The following TLL1 variants were observed in gnomAD, a reference collection of about 807,000 sequenced individuals.
TLL1 encodes tolloid-like protein 1.
A neutral mutation model predicts 128.2 loss-of-function variants in TLL1; 49 were observed. The observed-to-expected ratio is 0.38, with a 90% CI of 0.30 to 0.48. TLL1 has a LOEUF of 0.48. Among genes scored for constraint, TLL1 ranks in the 20% least tolerant of loss-of-function variants. The pLI is 0.96. For synonymous variants in TLL1, 454 were observed against 418.8 expected (o/e 1.08, Z -1.03); for missense variants, 1,123 against 1,242.0 (o/e 0.90, Z 1.44).
Position 166,077,947 on chromosome 4 carries a change from A to C in TLL1, c.2359A>C (p.Ser787Arg), listed in dbSNP as rs369207097. The change falls in exon 18 of 21, where the codon AGT becomes CGT. Residue 787 changes from serine (S) to arginine (R), a missense_variant. Around this residue, in one of 3 missense-constraint regions of TLL1, gnomAD observed 634 missense variants for 672.4 expected, o/e 0.94. Coordinates refer to ENST00000061240, the MANE Select transcript of TLL1 (RefSeq NM_012464.5). ...CCACAGTCCAAGTGGCCTCATCACCAGTCCCAACTGGCCAGACAAGTACCC... is the reference window on the plus strand; with the variant it reads ...CCACAGTCCAAGTGGCCTCATCACCCGTCCCAACTGGCCAGACAAGTACCC... ...KIHSPSGLIT[S>R]PNWPDKYPSR... 1 of 1,613,692 alleles carries C rather than the reference A, an allele frequency of 6.2e-7. No individual in the cohort carries two copies. Among genetic ancestry groups the C allele is most frequent in the Non-Finnish European group, 8.5e-7 (1 of 1,179,770 alleles).
At chr4:165,972,098 A>C (rs1043269955) in intron 1 of TLL1, among the ~76,000 whole-genome samples, 1 of 151,988 alleles carries the variant, frequency 6.6e-6, no homozygotes, top group Non-Finnish European at 1.5e-5. Flanking sequence ...TTGCTTGAGC[A>C]ATCTGGAAGT....
intron 8 of TLL1, among the ~76,000 whole-genome samples, chr4:166,014,885 TAA>T (rs1737865475): frequency 6.6e-6 from 1 of 152,044 alleles, no homozygotes; most frequent in Non-Finnish European, 1.5e-5. Context: ...AGTCAAATGC[TAA>T]GTTTCCTTTC....
At chr4:166,066,966 C>G (rs1240357039) in intron 16 of TLL1, among the ~76,000 whole-genome samples, 2 of 151,070 alleles carry the variant, frequency 1.3e-5, no homozygotes, top group Non-Finnish European at 3.0e-5. Context: ...TTAAATGATC[C>G]CATGGTTAGG....
At chr4:165,904,043 A>G (rs1051328238) in intron 1 of TLL1, among the ~76,000 whole-genome samples, 1 of 152,078 alleles carries the variant, frequency 6.6e-6, no homozygotes. Context: ...AGAATTTTGC[A>G]TATATCTTTT....
chr4:166,081,450 A>G lies in TLL1; in HGVS notation c.2442+3420A>G, dbSNP rs970650905. 3.9e-5 allele frequency among the ~76,000 whole-genome samples: 6 copies of G among 152,094 alleles called. No homozygotes were observed. In the South Asian group the frequency reaches 6.2e-4, roughly 16 times the overall value. On this transcript the variant is annotated intron_variant, in intron 18 of 20. Coordinates refer to ENST00000061240, the MANE Select transcript of TLL1 (RefSeq NM_012464.5). ...CATGCACCTCCTGCTTTTTCCACAA[A>G]TGTTCTTGTGAGCAGGAGATGGAGG...
At chr4:165,893,846 A>C (rs535965526) in intron 1 of TLL1, among the ~76,000 whole-genome samples, 3 of 152,248 alleles carry the variant, frequency 2.0e-5, no homozygotes, top group Middle Eastern at 6.8e-3. Flanking sequence ...AAAAAGCTAG[A>C]AAAAAATACA....
At position 165,894,820 on chromosome 4, in the gene TLL1, T is replaced by A. The variant is rs72970146; in HGVS notation, c.169+20747T>A. ...CCTTTCTGGAGTTTTTAATTAGGAA[T>A]GCTAGATTTTGTCAAATGATGAGTG... On this transcript the variant is annotated intron_variant, in intron 1 of 20. Coordinates refer to ENST00000061240, the MANE Select transcript of TLL1 (RefSeq NM_012464.5). 4.0e-3 allele frequency among the ~76,000 whole-genome samples: 604 copies of A among 150,696 alleles called. 7 individuals carry two copies. Among genetic ancestry groups the A allele is most frequent in the African/African-American group, 0.013 (520 of 40,868 alleles).
At chr4:166,078,959 T>C (rs1422212819) in intron 18 of TLL1, among the ~76,000 whole-genome samples, 1 of 152,214 alleles carries the variant, frequency 6.6e-6, no homozygotes. Context: ...TAAAAAGGCC[T>C]TATTTATGTA....
At chr4:166,024,252 T>C (rs1299899544) in intron 8 of TLL1, among the ~76,000 whole-genome samples, 1 of 152,210 alleles carries the variant, frequency 6.6e-6, no homozygotes, top group East Asian at 1.9e-4. Flanking sequence ...TTTTTAGAGC[T>C]CTATGCTTTG....
intron 1 of TLL1, among the ~76,000 whole-genome samples, chr4:165,975,506 T>A (rs1735835718): frequency 6.6e-6 from 1 of 152,174 alleles, no homozygotes; most frequent in Non-Finnish European, 1.5e-5. Flanking sequence ...ATACAAATTG[T>A]CTGAATGACT....
intron 9 of TLL1, among the ~76,000 whole-genome samples, chr4:166,027,177 G>A (rs1738539756): frequency 6.6e-6 from 1 of 152,018 alleles, no homozygotes; most frequent in Admixed American, 6.6e-5. Context: ...TTATAAGTGG[G>A]AGCTAAACAT....
At chr4:165,951,182 C>A (rs1235449214) in intron 1 of TLL1, among the ~76,000 whole-genome samples, 3 of 152,094 alleles carry the variant, frequency 2.0e-5, no homozygotes, top group Non-Finnish European at 4.4e-5. Context: ...ATGTAAACTA[C>A]AAAACCTTAC....
chr4:166,097,269 A>T (rs2111165214), intron 19 of TLL1, among the ~76,000 whole-genome samples: 1 of 152,286 alleles, frequency 6.6e-6, no homozygotes, highest in East Asian at 1.9e-4. Context: ...GTAGTGGGAA[A>T]GGGAAGGTGC....
At chr4:165,955,019 C>A (rs1210721379) in intron 1 of TLL1, among the ~76,000 whole-genome samples, 1 of 152,020 alleles carries the variant, frequency 6.6e-6, no homozygotes, top group Non-Finnish European at 1.5e-5. Context: ...GAAACACAAT[C>A]CATGTAAGCC....
Position 166,099,316 on chromosome 4 carries a change from A to C in TLL1, c.2696A>C (p.Asp899Ala). Residue 899 changes from aspartate (D) to alanine (A), a missense_variant, in exon 20 of 21, where the codon GAT becomes GCT. By Grantham distance (126) the Asp-to-Ala change is moderately radical (BLOSUM62 -2). This residue lies in a region of TLL1 where 634 missense variants were observed against 672.4 expected (regional missense o/e 0.94). Transcript: ENST00000061240. ...GRLKAESKPR[D>A]LYSHAQFGDN... ...TTGAAAGCAGAATCAAAACCAAGAG[A>C]TCTGTACTCACATGCTCAGTTTGGT... The C allele has an allele frequency of 6.2e-7, 1 of 1,613,516 alleles. No homozygotes were observed. The highest frequency in any genetic ancestry group is 1.7e-5 in the Admixed American group (1 of 59,964).
At position 165,873,677 on chromosome 4, in the gene TLL1, T is replaced by C. The variant is rs1460072; in HGVS notation, c.-228T>C. On this transcript the variant is annotated 5_prime_UTR_variant, in exon 1 of 21. Transcript: ENST00000061240. ...TCCTTACCTGCCCTCCGCCCACCCG[T>C]GGGCCCCTAGCCAACTTCTCCCTGC... The C allele has an allele frequency of 0.21, 107,376 of 519,492 alleles. 16,332 individuals carry two copies. The highest frequency in any genetic ancestry group is 0.51 in the African/African-American group (26,771 of 52,018). The allele number at this position is 519,492 out of a possible 1,614,324, so 32.2% of individuals were successfully genotyped here. A position where few individuals can be genotyped will look rare whatever the true frequency, so the allele number is the denominator to read the frequency against.
At chr4:165,903,145 C>A (rs1377563374) in intron 1 of TLL1, among the ~76,000 whole-genome samples, 2 of 152,022 alleles carry the variant, frequency 1.3e-5, no homozygotes, top group Non-Finnish European at 2.9e-5. Flanking sequence ...TTGGGGCCAG[C>A]CTGGCCAACA....
intron 3 of TLL1, among the ~76,000 whole-genome samples, chr4:165,993,142 A>G (rs1373639078): frequency 6.6e-6 from 1 of 151,826 alleles, no homozygotes; most frequent in African/African-American, 2.4e-5. Flanking sequence ...TTTATTATTG[A>G]TACTTATTTC....
At chr4:165,878,224 A>C (rs1279187384) in intron 1 of TLL1, among the ~76,000 whole-genome samples, 1 of 152,128 alleles carries the variant, frequency 6.6e-6, no homozygotes, top group Non-Finnish European at 1.5e-5. Flanking sequence ...TCTTTATTCC[A>C]TCATAATTTT....
Sources: gnomAD v4.1 joint callset for allele counts (sites outside exome capture counted in the v4.1 genomes callset) on GRCh38, gnomAD v4.1.1 for gene constraint, gnomAD v4.1.1 regional missense constraint, MANE v1.5 for transcripts, NCBI Gene and HGNC (gene_info 2026-07-23, HGNC 2026-07-21) for gene names.